WNT7B: variants seen among roughly 807,000 people sequenced by gnomAD.
WNT7B encodes the protein protein Wnt-7b.
Under a neutral mutation model 38.2 loss-of-function variants are expected in WNT7B, and 19 were observed. That is an observed-to-expected ratio of 0.50 (90% confidence interval 0.35 to 0.73). WNT7B has a LOEUF of 0.73. Ranked by LOEUF, WNT7B falls within the 30% of genes least tolerant of loss-of-function variation. The pLI, the probability that WNT7B is intolerant of heterozygous loss-of-function variation, is 0.01. For missense variants in WNT7B, 423 were observed against 507.9 expected (o/e 0.83, Z 1.61); for synonymous variants, 243 against 209.3 (o/e 1.16, Z -1.39).
chr22:45,931,439 G>C (rs566097357), intron 2 of WNT7B, 70 bp from the exon 3 acceptor site: 4 of 1,466,858 alleles, frequency 2.7e-6, no homozygotes, highest in Non-Finnish European at 3.6e-6. Context: ...GGGACAGGGT[G>C]CCGGGCCTCG....
Position 45,975,803 on chromosome 22 carries a change from G to T in WNT7B, c.71+881C>A, listed in dbSNP as rs1206862418. The T allele has an allele frequency of 6.2e-6, 2 of 320,276 alleles. No individual in the cohort carries two copies. Among genetic ancestry groups the T allele is most frequent in the Non-Finnish European group, 1.1e-5 (2 of 177,778 alleles). 19.8% of individuals were successfully genotyped at this position (320,276 alleles called of 1,614,324 possible). ...GAGGAGCGCGGGGCCAGCAGCGGGC[G>T]GTGGGCGCCCCAGGCGAGGTGCACC... On this transcript the variant is annotated intron_variant, in intron 1 of 3. Transcript: ENST00000339464. This position sits in a 1 kb window ranked among gnomAD's most constrained non-coding sequence, Gnocchi z 6.6.
Position 45,968,018 on chromosome 22 carries a change from T to C in WNT7B, c.71+8666A>G, listed in dbSNP as rs552657048. Among the ~76,000 whole-genome samples, 3 of 152,198 alleles carry C rather than the reference T, an allele frequency of 2.0e-5. No individual in the cohort carries two copies. In the South Asian group the frequency reaches 6.2e-4, roughly 32 times the overall value. On this transcript the variant is annotated intron_variant, in intron 1 of 3. Transcript: ENST00000339464. ...TGAACCCCTGGGATCCAAGGTGACC[T>C]TGGGAAACAGCCTCTTCTCTGGATC... is the stretch of plus-strand genomic sequence containing the variant.
intron 3 of WNT7B, among the ~76,000 whole-genome samples, chr22:45,930,477 A>G (rs1482363922): frequency 1.1e-4 from 16 of 152,184 alleles, no homozygotes; most frequent in Non-Finnish European, 8.8e-5. Context: ...CTCCCAGCCC[A>G]GTATCTGGGG....
At chr22:45,971,712 G>A (rs1190206879) in intron 1 of WNT7B, among the ~76,000 whole-genome samples, 1 of 152,228 alleles carries the variant, frequency 6.6e-6, no homozygotes, top group Non-Finnish European at 1.5e-5. Context: ...GCCGGTGTTT[G>A]CACGAGGGAG....
At chr22:45,939,632 A>AC (rs1931593545) in intron 2 of WNT7B, among the ~76,000 whole-genome samples, 1 of 144,788 alleles carries the variant, frequency 6.9e-6, no homozygotes, top group Non-Finnish European at 1.5e-5. Flanking sequence ...TGTCTCTACA[A>AC]ACACACACAC....
intron 2 of WNT7B, among the ~76,000 whole-genome samples, chr22:45,932,868 C>T (rs540309923): frequency 3.3e-5 from 5 of 150,780 alleles, no homozygotes; most frequent in Admixed American, 6.6e-5. Context: ...GCCCAGCACC[C>T]GCGAGCACCT....
At position 45,964,183 on chromosome 22, in the gene WNT7B, G is replaced by T. The variant is rs1932259522; in HGVS notation, c.71+12501C>A. ...GCAGACATGGAGTGACTGCAGCCCG[G>T]AGCCACTGACTCCCTATCCGGTGCT... On this transcript the variant is annotated intron_variant, in intron 1 of 3. Transcript: ENST00000339464. Among the ~76,000 whole-genome samples, 3 of 152,126 alleles carry T rather than the reference G, an allele frequency of 2.0e-5. No individual in the cohort carries two copies. The South Asian group carries it at 6.2e-4, about 32-fold the overall frequency.
In WNT7B at chr22:45,951,141, G is replaced by C. The variant is rs561254065; in HGVS notation, c.72-995C>G. Among the ~76,000 whole-genome samples the C allele has an allele frequency of 1.2e-3, 179 of 152,308 alleles. No individual in the cohort carries two copies. The highest frequency in any genetic ancestry group is 4.2e-3 in the African/African-American group (173 of 41,546). Reference sequence around the variant, plus strand: ...CGCGCAGGCTGGAGTGCAGTGGTGTGATCTCAGCTCACTGCAACCTCCACA... The same window carrying C: ...CGCGCAGGCTGGAGTGCAGTGGTGTCATCTCAGCTCACTGCAACCTCCACA... On this transcript the variant is annotated intron_variant, in intron 1 of 3. Transcript: ENST00000339464. The surrounding 1 kb of genome is among the most constrained non-coding windows in gnomAD (Gnocchi z 4.8).
At chr22:45,929,674 TTCCCTCCATAC>T in intron 3 of WNT7B, among the ~76,000 whole-genome samples, 1 of 67,582 alleles carries the variant, frequency 1.5e-5, no homozygotes, top group African/African-American at 6.3e-5. Context: ...CCGCCCATCC[TTCCCTCCATAC>T]TTCCATCCAC....
At chr22:45,933,930 G>C (rs1931445009) in intron 2 of WNT7B, among the ~76,000 whole-genome samples, 1 of 152,198 alleles carries the variant, frequency 6.6e-6, no homozygotes, top group Non-Finnish European at 1.5e-5. Context: ...CTGCTGGGGA[G>C]GGCTGGATGT....
intron 1 of WNT7B, among the ~76,000 whole-genome samples, chr22:45,960,587 C>T (rs888900798): frequency 7.9e-5 from 12 of 152,240 alleles, no homozygotes; most frequent in Middle Eastern, 3.2e-3. Context: ...CCCTGGCTGC[C>T]GGGCGGCCCT....
intron 1 of WNT7B, chr22:45,972,116 G>GGGGGCCC: frequency 1.1e-5 from 6 of 530,684 alleles, no homozygotes; most frequent in African/African-American, 2.1e-5. Context: ...CCCGGGGGGA[G>GGGGGCCC]CCCACCCGCC....
Position 45,950,080 on chromosome 22 carries a change from C to T in WNT7B, c.138G>A (p.Pro46=), listed in dbSNP as rs547199809. The part of the protein sequence containing the change: ...IICNKIPGLA[P]RQRAICQSRP... ...GACTCTGGCAGATGGCACGCTGCCG[C>T]GGGGCTAGGCCAGGAATCTTGTTGC... Residue 46 remains proline (P), a synonymous_variant, in exon 2 of 4, where the codon CCG becomes CCA. Coordinates refer to ENST00000339464, the MANE Select transcript of WNT7B (RefSeq NM_058238.3). The T allele has an allele frequency of 4.6e-5, 74 of 1,613,914 alleles. No homozygotes were observed. The highest frequency in any genetic ancestry group is 1.6e-4 in the Middle Eastern group (1 of 6,084).
rs961639360 is a variant in WNT7B at position 45,965,571 on chromosome 22, C to T, written c.71+11113G>A. On this transcript the variant is annotated intron_variant, in intron 1 of 3. Transcript: ENST00000339464. This position sits in a 1 kb window ranked among gnomAD's most constrained non-coding sequence, Gnocchi z 6.5. ...AGGGGAGGGATACCCTCAAGGTTGCCGCAAGCCCACAGCTGAGCCAGGAAC... is the reference window on the plus strand; with the variant it reads ...AGGGGAGGGATACCCTCAAGGTTGCTGCAAGCCCACAGCTGAGCCAGGAAC... Among the ~76,000 whole-genome samples the T allele has an allele frequency of 1.3e-5, 2 of 152,102 alleles. No homozygotes were observed. The highest frequency in any genetic ancestry group is 4.8e-5 in the African/African-American group (2 of 41,404).
chr22:45,958,567 G>A (rs192429302), intron 1 of WNT7B, among the ~76,000 whole-genome samples: 237 of 152,284 alleles, frequency 1.6e-3, no homozygotes, highest in African/African-American at 5.2e-3. Context: ...TTCAAAGCTC[G>A]GGGGGCCAAG....
intron 1 of WNT7B, among the ~76,000 whole-genome samples, chr22:45,957,876 A>T (rs1200830649): frequency 6.6e-6 from 1 of 152,196 alleles, no homozygotes; most frequent in Non-Finnish European, 1.5e-5. Flanking sequence ...GGGCTGAGCC[A>T]GAATGCCCTG....
Position 45,926,801 on chromosome 22 carries a change from G to A in WNT7B, c.571-3466C>T. The A allele has an allele frequency of 3.0e-6, 3 of 985,414 alleles. No homozygotes were observed. The South Asian group carries it at 1.4e-4, about 46-fold the overall frequency. 61.0% of individuals were successfully genotyped at this position (985,414 alleles called of 1,614,324 possible). ...CAGAGTGGACTGAATGTGGCCTCGA[G>A]TGAAGTTACATCATGAGCCACTGGC... On this transcript the variant is annotated intron_variant, in intron 3 of 3. Transcript: ENST00000339464.
At chr22:45,958,588 G>C (rs141868125) in intron 1 of WNT7B, among the ~76,000 whole-genome samples, 1 of 152,298 alleles carries the variant, frequency 6.6e-6, no homozygotes, top group Non-Finnish European at 1.5e-5. Flanking sequence ...GGCTAGAATG[G>C]TGACAACAAT....
At chr22:45,925,905 C>T in intron 3 of WNT7B, 2 of 985,382 alleles carry the variant, frequency 2.0e-6, no homozygotes, top group Non-Finnish European at 2.4e-6. Flanking sequence ...GCCCAAGCTG[C>T]CCTCTAGTGC....
Sources: allele counts gnomAD v4.1 joint callset (sites outside exome capture counted in the v4.1 genomes callset), GRCh38; gene constraint gnomAD v4.1.1; non-coding constraint Gnocchi (gnomAD v3.1); transcripts MANE v1.5; gene names NCBI Gene and HGNC (gene_info 2026-07-23, HGNC 2026-07-21).